CFAP20DC: variants seen among roughly 807,000 people sequenced by gnomAD.
CFAP20DC encodes the protein CFAP20 domain containing.
In CFAP20DC, 84 loss-of-function variants were observed where a neutral mutation model predicts 101.7. That is an observed-to-expected ratio of 0.83 (90% CI 0.69 to 0.99). CFAP20DC has a LOEUF of 0.99. Ranked by LOEUF, CFAP20DC falls within the 50% of genes least tolerant of loss-of-function variation. The pLI is 0.00. For synonymous variants in CFAP20DC, 359 were observed against 351.2 expected (o/e 1.02, Z -0.25); for missense variants, 1,007 against 970.3 (o/e 1.04, Z -0.50).
intron 15 of CFAP20DC, among the ~76,000 whole-genome samples, chr3:58,763,791 G>T (rs887432220): frequency 6.6e-6 from 1 of 152,186 alleles, no homozygotes; most frequent in Non-Finnish European, 1.5e-5. Flanking sequence ...GTTGGAGTTT[G>T]CTGGAGGTGC....
At chr3:58,833,948 G>T (rs2076566439) in intron 13 of CFAP20DC, among the ~76,000 whole-genome samples, 1 of 152,118 alleles carries the variant, frequency 6.6e-6, no homozygotes, top group South Asian at 2.1e-4. Flanking sequence ...GGCACAAAAG[G>T]CCACATATTG....
At position 58,849,403 on chromosome 3, in the gene CFAP20DC, G is replaced by A; in HGVS notation, c.1600C>T (p.His534Tyr). 2 of 1,517,666 alleles carry A rather than the reference G, an allele frequency of 1.3e-6. No homozygotes were observed. The highest frequency in any genetic ancestry group is 1.7e-4 in the Middle Eastern group (1 of 5,888). 94.0% of individuals were successfully genotyped at this position (1,517,666 alleles called of 1,614,324 possible). ...GGGCCTCGAGAACCCTGGATACTGT[G>A]GTTACCCTATGTTGGGGAACAAAGT... is the stretch of plus-strand genomic sequence containing the variant. ...YGGDSSEEGN[H>Y]SIQGSRGPTT... Residue 534 changes from histidine to tyrosine, a missense_variant, in exon 13 of 17, where the codon CAC becomes TAC. By Grantham distance (83) the His-to-Tyr change is moderately conservative. Coordinates refer to ENST00000482387, the MANE Select transcript of CFAP20DC (RefSeq NM_001394063.1).
At chr3:59,039,774 C>T (rs2094165846) in intron 3 of CFAP20DC, 145 bp from the exon 4 acceptor site, 1 of 420,072 alleles carries the variant, frequency 2.4e-6, no homozygotes, top group South Asian at 8.8e-5. Context: ...CTATGAGTTA[C>T]AACCTCATTA....
chr3:58,733,623 C>T (rs992036409), intron 3 of CFAP20DC, among the ~76,000 whole-genome samples: 2 of 152,136 alleles, frequency 1.3e-5, no homozygotes, highest in South Asian at 4.1e-4. Flanking sequence ...TTATTTTACT[C>T]AGGAGTAGGA....
intron 15 of CFAP20DC, among the ~76,000 whole-genome samples, chr3:58,769,121 G>T (rs994801617): frequency 2.0e-5 from 3 of 152,220 alleles, no homozygotes; most frequent in African/African-American, 7.2e-5. Flanking sequence ...CTCCTTGATA[G>T]GAGCTGTGAC....
rs541317769 is a variant in CFAP20DC at position 58,822,039 on chromosome 3, G to A, written c.2175+9647C>T. Among the ~76,000 whole-genome samples, 160 of 138,376 alleles carry A rather than the reference G, an allele frequency of 1.2e-3. 4 individuals carry two copies. The South Asian group carries it at 0.038, about 33-fold the overall frequency. 90.8% of individuals were successfully genotyped at this position (138,376 alleles called of 152,430 possible). A position where few individuals can be genotyped will look rare whatever the true frequency, so the allele number is the denominator to read the frequency against. ...AAATCATCATTCTCAGTAAACTATC[G>A]CAAGAACAAAAAACCAAACACCGCA... is the stretch of plus-strand genomic sequence containing the variant. On this transcript the variant is annotated intron_variant, in intron 14 of 16. Coordinates refer to ENST00000482387, the MANE Select transcript of CFAP20DC (RefSeq NM_001394063.1).
At chr3:58,785,298 G>A (rs974112512) in intron 15 of CFAP20DC, among the ~76,000 whole-genome samples, 4 of 152,136 alleles carry the variant, frequency 2.6e-5, no homozygotes, top group African/African-American at 7.2e-5. Context: ...GGGTAGGAGC[G>A]GGGATGAAGA....
chr3:58,852,245 T>C (rs1195892378), intron 12 of CFAP20DC, among the ~76,000 whole-genome samples: 2 of 152,106 alleles, frequency 1.3e-5, no homozygotes, highest in East Asian at 3.9e-4. Context: ...AAATTTCCAT[T>C]GAAAGCTCTG....
At chr3:58,741,006 C>G (rs1434360397), downstream of CFAP20DC, among the ~76,000 whole-genome samples, 2 of 152,084 alleles carry the variant, frequency 1.3e-5, no homozygotes, top group Admixed American at 1.3e-4. Flanking sequence ...TTATCAAACA[C>G]AAATATGGTT....
intron 15 of CFAP20DC, among the ~76,000 whole-genome samples, chr3:58,773,836 C>G (rs2071077428): frequency 6.6e-6 from 1 of 152,042 alleles, no homozygotes; most frequent in African/African-American, 2.4e-5. Context: ...TATAACTTGA[C>G]AAAGAATGTT....
rs1007867785 is a variant in CFAP20DC, at chr3:58,795,060, A to C, written c.2237+11335T>G. Among the ~76,000 whole-genome samples the C allele has an allele frequency of 6.6e-6, 1 of 152,042 alleles. No individual in the cohort carries two copies. Among genetic ancestry groups the C allele is most frequent in the African/African-American group, 2.4e-5 (1 of 41,326 alleles). ...GTTAATGTTATTCTCCTAAACCTCA[A>C]CTTGCATTCCCTCCCCACCTCCAGA... On this transcript the variant is annotated intron_variant, in intron 15 of 16. Coordinates refer to ENST00000482387, the MANE Select transcript of CFAP20DC (RefSeq NM_001394063.1). The surrounding 1 kb of genome is among the most constrained non-coding windows in gnomAD (Gnocchi z 4.2).
At chr3:58,958,324 CG>C (rs1256780926) in intron 4 of CFAP20DC, among the ~76,000 whole-genome samples, 1 of 152,014 alleles carries the variant, frequency 6.6e-6, no homozygotes, top group Admixed American at 6.6e-5. Flanking sequence ...CTTAGCATAA[CG>C]TTTTAAGATT....
rs529640478 is a variant in CFAP20DC, at chr3:58,863,305, G to GA, written c.1593+252dup. 34 of 1,409,790 alleles carry GA rather than the reference G, an allele frequency of 2.4e-5. No homozygotes were observed. The highest frequency in any genetic ancestry group is 2.7e-5 in the Non-Finnish European group (30 of 1,091,100). 87.3% of individuals were successfully genotyped at this position (1,409,790 alleles called of 1,614,324 possible). Reference sequence around the variant, plus strand: ...CATCCTGTGATTCAAAGATTAAAATGAAAAAACAGAAAGAAACCCAAAACT... The same window carrying GA: ...CATCCTGTGATTCAAAGATTAAAATGAAAAAAACAGAAAGAAACCCAAAACT... On this transcript the variant is annotated intron_variant, in intron 12 of 16. Coordinates refer to ENST00000482387, the MANE Select transcript of CFAP20DC (RefSeq NM_001394063.1). The surrounding 1 kb of genome is among the most constrained non-coding windows in gnomAD (Gnocchi z 5.9).
intron 15 of CFAP20DC, among the ~76,000 whole-genome samples, chr3:58,797,494 G>A (rs1206452820): frequency 6.6e-6 from 1 of 152,124 alleles, no homozygotes; most frequent in South Asian, 2.1e-4. Context: ...AGTTAGCAGA[G>A]GTTGATTCCT....
rs968432897 is a variant in CFAP20DC at position 58,912,760 on chromosome 3, A to C, written c.550+948T>G. 17 of 456,236 alleles carry C rather than the reference A, an allele frequency of 3.7e-5. No homozygotes were observed. Among genetic ancestry groups the C allele is most frequent in the Non-Finnish European group, 5.7e-5 (13 of 226,784 alleles). 28.3% of individuals were successfully genotyped at this position (456,236 alleles called of 1,614,324 possible). A position where few individuals can be genotyped will look rare whatever the true frequency, so the allele number is the denominator to read the frequency against. On this transcript the variant is annotated intron_variant, in intron 6 of 16. Transcript: ENST00000482387. This position sits in a 1 kb window ranked among gnomAD's most constrained non-coding sequence, Gnocchi z 4.4. ...TGAGTTACCTGCAGAGTATATTTAT[A>C]AATCAAATTATGAACAATTAATGTA...
chr3:58,851,363 A>G (rs1277722665), intron 12 of CFAP20DC, among the ~76,000 whole-genome samples: 1 of 152,192 alleles, frequency 6.6e-6, no homozygotes, highest in Non-Finnish European at 1.5e-5. Context: ...AATGGCAGTG[A>G]TGATATAGAA....
chr3:58,792,090 AT>A (rs1157647506), intron 15 of CFAP20DC, among the ~76,000 whole-genome samples: 1 of 152,156 alleles, frequency 6.6e-6, no homozygotes. Flanking sequence ...TGCTACATAT[AT>A]TTCAGAATTT....
At chr3:58,821,435 A>G (rs866031774) in intron 14 of CFAP20DC, among the ~76,000 whole-genome samples, 32 of 152,310 alleles carry the variant, frequency 2.1e-4, no homozygotes, top group South Asian at 1.9e-3. Flanking sequence ...AATGAACACA[A>G]ACAAATTCAC....
At chr3:58,829,331 A>AG (rs2076244794) in intron 14 of CFAP20DC, among the ~76,000 whole-genome samples, 1 of 151,918 alleles carries the variant, frequency 6.6e-6, no homozygotes. Context: ...AAAAAAAAAA[A>AG]AAAAAAAGGG....
Sources: allele counts gnomAD v4.1 joint callset (sites outside exome capture counted in the v4.1 genomes callset), GRCh38; gene constraint gnomAD v4.1.1; non-coding constraint Gnocchi (gnomAD v3.1); transcripts MANE v1.5; gene names NCBI Gene and HGNC (gene_info 2026-07-23, HGNC 2026-07-21).